The following EIF4E variants were observed in gnomAD, a reference collection of about 807,000 sequenced individuals.
EIF4E encodes eukaryotic translation initiation factor 4E.
For missense variants in EIF4E, 113 were observed against 265.6 expected (o/e 0.43, Z 3.99); for synonymous variants, 71 against 88.5 (o/e 0.80, Z 1.11).
chr4:98,918,596 T>C (rs1725506116), intron 1 of EIF4E, among the ~76,000 whole-genome samples: 1 of 152,100 alleles, frequency 6.6e-6, no homozygotes, highest in Non-Finnish European at 1.5e-5. Context: ...ATCTCGTGTA[T>C]GGAATGATAC....
intron 6 of EIF4E, among the ~76,000 whole-genome samples, chr4:98,883,686 A>G (rs1723796315): frequency 6.6e-6 from 1 of 151,994 alleles, no homozygotes; most frequent in South Asian, 2.1e-4. Context: ...TACAGGTGTG[A>G]GCCACTGCGC....
chr4:98,916,420 T>C (rs1725386434), intron 1 of EIF4E, among the ~76,000 whole-genome samples: 1 of 152,010 alleles, frequency 6.6e-6, no homozygotes, highest in Non-Finnish European at 1.5e-5. Context: ...CCAAGAGATC[T>C]AATATCTGAG....
chr4:98,881,502 A>C (rs1287189661), intron 6 of EIF4E, among the ~76,000 whole-genome samples: 1 of 152,192 alleles, frequency 6.6e-6, no homozygotes, highest in African/African-American at 2.4e-5. Context: ...CTAGTAGAGA[A>C]AACATAATCA....
intron 1 of EIF4E, among the ~76,000 whole-genome samples, chr4:98,902,327 C>T (rs1233647106): frequency 6.6e-6 from 1 of 152,192 alleles, no homozygotes; most frequent in East Asian, 1.9e-4. Flanking sequence ...GCCTTGGCCT[C>T]CCAAAGTGCT....
chr4:98,925,003 A>G (rs1405097166), intron 1 of EIF4E, among the ~76,000 whole-genome samples: 1 of 152,210 alleles, frequency 6.6e-6, no homozygotes, highest in African/African-American at 2.4e-5. Context: ...ATTAAGCAAA[A>G]AGTCCACTAA....
intron 5 of EIF4E, among the ~76,000 whole-genome samples, chr4:98,885,952 A>T (rs1184570772): frequency 6.6e-6 from 1 of 152,106 alleles, no homozygotes; most frequent in Non-Finnish European, 1.5e-5. Context: ...GTATTTGCTC[A>T]TGATCTTCCC....
chr4:98,887,250 A>C lies in EIF4E; in HGVS notation c.286-58T>G. 1 of 1,537,236 alleles carries C rather than the reference A, an allele frequency of 6.5e-7. No homozygotes were observed. The highest frequency in any genetic ancestry group is 9.0e-7 in the Non-Finnish European group (1 of 1,110,882). ...CATTGTTACCTTGACTTTGAGAGAT[A>C]ATCATTAGAAACAGTTAAGCAACAA... On this transcript the variant is annotated intron_variant, in intron 4 of 6. Coordinates refer to ENST00000450253, the MANE Select transcript of EIF4E (RefSeq NM_001968.5). The surrounding 1 kb of genome is among the most constrained non-coding windows in gnomAD (Gnocchi z 4.0).
intron 1 of EIF4E, among the ~76,000 whole-genome samples, chr4:98,920,455 C>T (rs950379604): frequency 3.0e-4 from 46 of 152,060 alleles, no homozygotes; most frequent in African/African-American, 1.0e-3. Context: ...TGAACACGCT[C>T]GGCTAATTTT....
intron 2 of EIF4E, among the ~76,000 whole-genome samples, chr4:98,900,204 A>C (rs1724588683): frequency 6.6e-6 from 1 of 152,086 alleles, no homozygotes; most frequent in African/African-American, 2.4e-5. Flanking sequence ...TATTAGGTTA[A>C]ACTATATAAG....
intron 1 of EIF4E, among the ~76,000 whole-genome samples, chr4:98,925,476 A>T (rs956868150): frequency 2.6e-5 from 4 of 152,218 alleles, no homozygotes; most frequent in Non-Finnish European, 4.4e-5. Context: ...ATAGAATAAC[A>T]TCAGAGTACC....
intron 1 of EIF4E, among the ~76,000 whole-genome samples, chr4:98,920,205 T>C (rs1002385987): frequency 1.3e-5 from 2 of 152,232 alleles, no homozygotes; most frequent in Non-Finnish European, 2.9e-5. Flanking sequence ...ATGTCCTTAA[T>C]ATGACTCATG....
At chr4:98,904,430 A>G (rs1724777698) in intron 1 of EIF4E, among the ~76,000 whole-genome samples, 1 of 140,748 alleles carries the variant, frequency 7.1e-6, no homozygotes, top group Admixed American at 7.0e-5. Context: ...TTGAATTAAA[A>G]TAAAAGTCCC....
intron 1 of EIF4E, chr4:98,926,633 C>T (rs913441617): frequency 1.3e-5 from 2 of 152,212 alleles, no homozygotes; most frequent in African/African-American, 4.8e-5. Flanking sequence ...CAGCTTCACA[C>T]ACTTTGTTTT....
intron 1 of EIF4E, among the ~76,000 whole-genome samples, chr4:98,920,626 T>C (rs996182620): frequency 2.6e-5 from 4 of 152,048 alleles, no homozygotes; most frequent in African/African-American, 4.8e-5. Context: ...ATAGGGGCTA[T>C]AGGCTTTACC....
In EIF4E at chr4:98,884,937, G is replaced by C. The variant is rs773512920; in HGVS notation, c.524C>G (p.Ala175Gly). ...IWTTECENRE[A>G]VTHIGRVYKE... ...CAAAACTTACCCTATATGTGTAACA[G>C]CTTCTCTGTTTTCACATTCAGTAGT... Residue 175 changes from alanine (A) to glycine (G), a missense_variant, in exon 6 of 7, where the codon GCT becomes GGT. Ala to Gly is a moderately conservative substitution (Grantham distance 60). Transcript: ENST00000450253. 8 of 1,612,718 alleles carry C rather than the reference G, an allele frequency of 5.0e-6. No individual in the cohort carries two copies. The highest frequency in any genetic ancestry group is 1.1e-5 in the South Asian group (1 of 91,024).
chr4:98,898,777 T>C (rs1724525617), intron 2 of EIF4E, among the ~76,000 whole-genome samples: 3 of 152,126 alleles, frequency 2.0e-5, no homozygotes, highest in Admixed American at 2.0e-4. Flanking sequence ...CATTATTTAC[T>C]GTAAAAATAT....
chr4:98,924,382 T>C (rs1253518928), intron 1 of EIF4E, among the ~76,000 whole-genome samples: 1 of 151,080 alleles, frequency 6.6e-6, no homozygotes, highest in Non-Finnish European at 1.5e-5. Context: ...CGGCCCATAT[T>C]CTTAACTTTA....
chr4:98,910,499 C>T (rs1183685566), intron 1 of EIF4E, among the ~76,000 whole-genome samples: 3 of 152,124 alleles, frequency 2.0e-5, no homozygotes, highest in Non-Finnish European at 2.9e-5. Flanking sequence ...AAAAATACTA[C>T]AAAAATTCAA....
At chr4:98,925,019 A>G (rs905424430) in intron 1 of EIF4E, among the ~76,000 whole-genome samples, 1 of 152,254 alleles carries the variant, frequency 6.6e-6, no homozygotes, top group African/African-American at 2.4e-5. Context: ...ACTAATTTGC[A>G]TAGTCTGGTT....
Sources: gnomAD v4.1 joint callset for allele counts (sites outside exome capture counted in the v4.1 genomes callset) on GRCh38, gnomAD v4.1.1 for gene constraint, Gnocchi (gnomAD v3.1) non-coding constraint, MANE v1.5 for transcripts, NCBI Gene and HGNC (gene_info 2026-07-23, HGNC 2026-07-21) for gene names.